TXNRD1: variants seen among roughly 807,000 people sequenced by gnomAD.
TXNRD1 encodes the protein thioredoxin reductase 1, cytoplasmic.
In TXNRD1, 57 loss-of-function variants were observed where a neutral mutation model predicts 80.3. The ratio of observed to expected loss-of-function variants is 0.71; its 90% confidence interval spans 0.57 to 0.89. The LOEUF (loss-of-function observed/expected upper bound fraction) is 0.89. Among genes scored for constraint, TXNRD1 ranks in the 40% least tolerant of loss-of-function variants. The probability of loss-of-function intolerance (pLI) is 0.00; values close to 1 mark genes in which losing one functional copy is unlikely to be tolerated. For synonymous variants in TXNRD1, 291 were observed against 285.2 expected, an observed-to-expected ratio of 1.02 and a Z score of -0.20; for missense variants, 730 against 803.0, an observed-to-expected ratio of 0.91 and a Z score of 1.10.
chr12:104,249,685 T>C (rs572219801), intron 1 of TXNRD1, among the ~76,000 whole-genome samples: 105 of 152,120 alleles, frequency 6.9e-4, no homozygotes, highest in Non-Finnish European at 1.0e-3. Context: ...CCTGTAATCT[T>C]AGCACTTTGG....
intron 4 of TXNRD1, among the ~76,000 whole-genome samples, chr12:104,293,109 T>C (rs780848826): frequency 1.3e-5 from 2 of 152,216 alleles, no homozygotes; most frequent in African/African-American, 4.8e-5. Context: ...AGTATTCTTA[T>C]AGGGAACCTC....
intron 7 of TXNRD1, among the ~76,000 whole-genome samples, chr12:104,318,389 A>T (rs1464222079): frequency 6.6e-6 from 1 of 152,224 alleles, no homozygotes; most frequent in East Asian, 1.9e-4. Flanking sequence ...GTAGCTACTT[A>T]ACTCTGCTTA....
At chr12:104,268,029 T>G (rs536089058) in intron 3 of TXNRD1, among the ~76,000 whole-genome samples, 2 of 151,388 alleles carry the variant, frequency 1.3e-5, no homozygotes, top group Admixed American at 1.3e-4. Context: ...TTTTATATTT[T>G]TAGTAGAGAC....
At chr12:104,232,609 C>T (rs759290271) in intron 1 of TXNRD1, among the ~76,000 whole-genome samples, 5 of 151,922 alleles carry the variant, frequency 3.3e-5, no homozygotes, top group African/African-American at 4.8e-5. Context: ...GAACCCTGTG[C>T]GGGGACTGGG....
intron 4 of TXNRD1, among the ~76,000 whole-genome samples, chr12:104,290,544 T>C (rs2034145567): frequency 6.6e-6 from 1 of 151,112 alleles, no homozygotes; most frequent in African/African-American, 2.4e-5. Context: ...AATAAAAAAA[T>C]TAGCCAGGGC....
intron 4 of TXNRD1, among the ~76,000 whole-genome samples, chr12:104,310,447 C>G (rs1415922380): frequency 1.3e-5 from 2 of 152,198 alleles, no homozygotes; most frequent in Non-Finnish European, 2.9e-5. Context: ...CTGTGCCTGG[C>G]CTACTTGATT....
At chr12:104,321,767 G>T (rs191060135) in intron 10 of TXNRD1, among the ~76,000 whole-genome samples, 6 of 152,276 alleles carry the variant, frequency 3.9e-5, no homozygotes, top group Admixed American at 3.9e-4. Flanking sequence ...CCCTGAAAGT[G>T]ATTATCTCAT....
At chr12:104,278,848 C>A (rs951274415) in intron 3 of TXNRD1, among the ~76,000 whole-genome samples, 2 of 152,110 alleles carry the variant, frequency 1.3e-5, no homozygotes, top group African/African-American at 4.8e-5. Context: ...AACTGAGGAC[C>A]CCCTAACATT....
chr12:104,248,288 C>T, intron 1 of TXNRD1, among the ~76,000 whole-genome samples: 1 of 151,086 alleles, frequency 6.6e-6, no homozygotes, highest in East Asian at 1.9e-4. Flanking sequence ...TATTTATTTA[C>T]TTATTTATTT....
chr12:104,218,976 C>T (rs942959080), intron 1 of TXNRD1, among the ~76,000 whole-genome samples: 1 of 152,142 alleles, frequency 6.6e-6, no homozygotes, highest in African/African-American at 2.4e-5. Flanking sequence ...ATGGGTCTCA[C>T]TCTGTTGCCT....
At chr12:104,234,898 T>C (rs2032702836) in intron 1 of TXNRD1, among the ~76,000 whole-genome samples, 1 of 152,166 alleles carries the variant, frequency 6.6e-6, no homozygotes, top group Non-Finnish European at 1.5e-5. Flanking sequence ...TGACCCTCAA[T>C]TGGAACTCCT....
intron 2 of TXNRD1, among the ~76,000 whole-genome samples, chr12:104,252,888 C>T (rs972586245): frequency 1.3e-5 from 2 of 150,836 alleles, no homozygotes; most frequent in Admixed American, 6.7e-5. Flanking sequence ...ATTTTTAGTA[C>T]AGACGGGTTT....
Position 104,277,562 on chromosome 12 carries a change from C to G in TXNRD1, c.305-11369C>G, listed in dbSNP as rs191253140. ...TGGATGACAGAGCAAGATTCTGTCT[C>G]CAAAAAACAAACAAATAAACAAAAG... is the stretch of plus-strand genomic sequence containing the variant. On this transcript the variant is annotated intron_variant, in intron 3 of 16. Transcript: ENST00000525566. Among the ~76,000 whole-genome samples the G allele has an allele frequency of 2.6e-4, 39 of 152,054 alleles. No homozygotes were observed. The South Asian group carries it at 3.7e-3, about 15-fold the overall frequency.
intron 3 of TXNRD1, among the ~76,000 whole-genome samples, chr12:104,267,676 TC>T (rs1443785128): frequency 0.016 from 811 of 51,102 alleles, 13 homozygotes; most frequent in Non-Finnish European, 0.029. Flanking sequence ...TTTCTTTCTT[TC>T]TTTCTTTCTT....
chr12:104,266,448 C>A (rs1275151305), intron 3 of TXNRD1, among the ~76,000 whole-genome samples: 1 of 149,378 alleles, frequency 6.7e-6, no homozygotes, highest in East Asian at 2.1e-4. Context: ...ATCGCTTGAA[C>A]CCGGGAGGTG....
At chr12:104,244,212 A>G (rs915219668) in intron 1 of TXNRD1, among the ~76,000 whole-genome samples, 1 of 152,224 alleles carries the variant, frequency 6.6e-6, no homozygotes, top group Non-Finnish European at 1.5e-5. Flanking sequence ...AGGTGGCAGT[A>G]GTCATGGGTG....
intron 15 of TXNRD1, among the ~76,000 whole-genome samples, chr12:104,336,580 A>G (rs1174439693): frequency 1.3e-5 from 2 of 152,202 alleles, no homozygotes; most frequent in East Asian, 1.9e-4. Context: ...TTTACATAAA[A>G]TATTTATAAT....
At chr12:104,283,677 C>T (rs926985132) in intron 3 of TXNRD1, among the ~76,000 whole-genome samples, 31 of 151,978 alleles carry the variant, frequency 2.0e-4, no homozygotes, top group Non-Finnish European at 4.0e-4. Context: ...TGGAGGCCAG[C>T]CTGACCAACA....
Position 104,334,260 on chromosome 12 carries a change from A to T in TXNRD1, c.1674A>T (p.Pro558=), listed in dbSNP as rs774853088. ...NIEVYHSYFW[P]LEWTIPSRDN... is the part of the protein sequence containing the mutation. Reference sequence around the variant, plus strand: ...AGGTTTACCATAGTTACTTTTGGCCATTGGAATGGACGATTCCGTCAAGAG... The same window carrying T: ...AGGTTTACCATAGTTACTTTTGGCCTTTGGAATGGACGATTCCGTCAAGAG... The change falls in exon 15 of 17, where the codon CCA becomes CCT. Residue 558 remains proline (P), a synonymous_variant. Transcript: ENST00000525566. 2.0e-6 allele frequency: 3 copies of T among 1,529,362 alleles called. No individual in the cohort carries two copies. Among genetic ancestry groups the T allele is most frequent in the Non-Finnish European group, 2.6e-6 (3 of 1,135,520 alleles). 94.7% of individuals were successfully genotyped at this position (1,529,362 alleles called of 1,614,324 possible).
Sources: gnomAD v4.1 joint callset for allele counts (sites outside exome capture counted in the v4.1 genomes callset) on GRCh38, gnomAD v4.1.1 for gene constraint, MANE v1.5 for transcripts, NCBI Gene and HGNC (gene_info 2026-07-23, HGNC 2026-07-21) for gene names.